Variants in KIF1B observed in about 807,000 individuals in gnomAD.
KIF1B encodes kinesin-like protein KIF1B.
In KIF1B, 76 loss-of-function variants were observed where a neutral mutation model predicts 241.9. The ratio of observed to expected loss-of-function variants is 0.31; its 90% CI spans 0.26 to 0.38. The LOEUF (loss-of-function observed/expected upper bound fraction) is 0.38. Ranked by LOEUF, KIF1B falls within the 10% of genes least tolerant of loss-of-function variation. The probability of loss-of-function intolerance (pLI) is 1.00; values close to 1 mark genes in which losing one functional copy is unlikely to be tolerated. For missense variants in KIF1B, 1,622 were observed against 2,271.4 expected, an observed-to-expected ratio of 0.71 and a Z score of 5.81; for synonymous variants, 750 against 796.7, an observed-to-expected ratio of 0.94 and a Z score of 0.99.
chr1:10,316,612 TA>T (rs1422284092), intron 22 of KIF1B, among the ~76,000 whole-genome samples: 8 of 151,398 alleles, frequency 5.3e-5, no homozygotes, highest in Admixed American at 4.6e-4. Flanking sequence ...GTGATCCTCC[TA>T]CCTCAGCCCC....
intron 3 of KIF1B, 146 bp downstream of exon 3, chr1:10,256,469 A>G: frequency 1.5e-6 from 1 of 688,228 alleles, no homozygotes; most frequent in Non-Finnish European, 2.6e-6. Context: ...ACAGTGATAT[A>G]GTATTTTCAT....
At chr1:10,347,709 C>A in intron 35 of KIF1B, 52 bp from the exon 36 acceptor site, 1 of 1,450,378 alleles carries the variant, frequency 6.9e-7, no homozygotes, top group Non-Finnish European at 9.7e-7. Flanking sequence ...AGGGGCTAAG[C>A]CTTGCAGATG....
At chr1:10,260,196 C>T (rs183124354) in intron 4 of KIF1B, among the ~76,000 whole-genome samples, 65 of 152,272 alleles carry the variant, frequency 4.3e-4, no homozygotes, top group Admixed American at 9.8e-4. Context: ...TAGCATGCTA[C>T]TGTACTGAAT....
At chr1:10,347,872 A>C in intron 36 of KIF1B, 45 bp downstream of exon 36, 1 of 1,429,194 alleles carries the variant, frequency 7.0e-7, no homozygotes, top group Non-Finnish European at 9.9e-7. Flanking sequence ...AACACTGAAA[A>C]GAATTTAGAA....
chr1:10,280,803 T>G (rs2102230223), intron 14 of KIF1B, among the ~76,000 whole-genome samples: 1 of 152,322 alleles, frequency 6.6e-6, no homozygotes, highest in African/African-American at 2.4e-5. Flanking sequence ...GCCTACCTCT[T>G]TTCTTAGCAG....
At chr1:10,352,340 T>C (rs1216863192) in intron 37 of KIF1B, among the ~76,000 whole-genome samples, 1 of 152,168 alleles carries the variant, frequency 6.6e-6, no homozygotes, top group Non-Finnish European at 1.5e-5. Context: ...AAATGGCTGT[T>C]GCAGGTTCCA....
chr1:10,360,423 G>A (rs577525739), intron 38 of KIF1B, among the ~76,000 whole-genome samples: 2 of 152,012 alleles, frequency 1.3e-5, no homozygotes, highest in African/African-American at 2.4e-5. Context: ...AGTGGTTCAC[G>A]CCTGTAATCC....
chr1:10,374,366 A>G lies in KIF1B; in HGVS notation c.4997A>G (p.Gln1666Arg), dbSNP rs1448847880. 2 of 1,614,054 alleles carry G rather than the reference A, an allele frequency of 1.2e-6. No individual in the cohort carries two copies. The highest frequency in any genetic ancestry group is 1.1e-5 in the South Asian group (1 of 91,088). ...RASSPCPEFEQFQIVPAVETP... is the reference protein window; with the variant it reads ...RASSPCPEFERFQIVPAVETP... ...TCTAGTCCCTGCCCAGAATTTGAACAGTTTCAGATTGTCCCAGCTGTGGAA... is the reference window on the plus strand; with the variant it reads ...TCTAGTCCCTGCCCAGAATTTGAACGGTTTCAGATTGTCCCAGCTGTGGAA... Residue 1666 changes from glutamine (Q) to arginine (R), a missense_variant, in exon 46 of 49, where the codon CAG becomes CGG. This residue lies in a region of KIF1B where 357 missense variants were observed against 409.0 expected (regional missense o/e 0.87). Transcript: ENST00000676179. The surrounding 1 kb of genome is among the most constrained non-coding windows in gnomAD (Gnocchi z 4.3).
At chr1:10,237,903 G>T (rs926816795) in intron 2 of KIF1B, among the ~76,000 whole-genome samples, 2 of 152,026 alleles carry the variant, frequency 1.3e-5, no homozygotes, top group Non-Finnish European at 2.9e-5. Context: ...TAGCTACTAG[G>T]GAGGCTGAGG....
intron 1 of KIF1B, among the ~76,000 whole-genome samples, chr1:10,229,177 A>G (rs1450791095): frequency 6.6e-6 from 1 of 152,236 alleles, no homozygotes; most frequent in African/African-American, 2.4e-5. Context: ...CTAAGTTTTC[A>G]TTTGATACAT....
chr1:10,355,281 T>G (rs751375147), intron 38 of KIF1B: 9 of 152,514 alleles, frequency 5.9e-5, no homozygotes. Flanking sequence ...AAATTTTGTC[T>G]TCTTTATATA....
intron 17 of KIF1B, 109 bp from the exon 18 acceptor site, chr1:10,294,977 C>A: frequency 1.3e-6 from 1 of 794,146 alleles, no homozygotes; most frequent in South Asian, 1.4e-5. Flanking sequence ...AAATCCCTCT[C>A]TAGGCTCTGT....
intron 2 of KIF1B, among the ~76,000 whole-genome samples, chr1:10,254,075 A>G (rs1473966176): frequency 6.6e-6 from 1 of 152,142 alleles, no homozygotes; most frequent in African/African-American, 2.4e-5. Context: ...CTTTGAGGAG[A>G]TTTCATGACC....
At chr1:10,257,475 A>G (rs1481643346) in intron 3 of KIF1B, among the ~76,000 whole-genome samples, 1 of 134,486 alleles carries the variant, frequency 7.4e-6, no homozygotes, top group Non-Finnish European at 1.6e-5. Context: ...ACTGTGTCTC[A>G]AAAAAAAAAA....
In KIF1B at chr1:10,378,586, G is replaced by T. The variant is rs886044998; in HGVS notation, c.*1999G>T. On this transcript the variant is annotated 3_prime_UTR_variant, in exon 49 of 49. Transcript: ENST00000676179. ...TTGGTGAGTCCTCGGCCTTGAGGTT[G>T]CTGACTCTCAGGCGTTAGGCAGCTG... is the stretch of plus-strand genomic sequence containing the variant. The T allele has an allele frequency of 2.6e-5, 16 of 609,260 alleles. No individual in the cohort carries two copies. The South Asian group carries it at 3.1e-4, about 12-fold the overall frequency. 37.7% of individuals were successfully genotyped at this position (609,260 alleles called of 1,614,324 possible). A position where few individuals can be genotyped will look rare whatever the true frequency, so the allele number is the denominator to read the frequency against.
chr1:10,343,496 G>A (rs559646513), intron 34 of KIF1B, among the ~76,000 whole-genome samples: 3 of 152,302 alleles, frequency 2.0e-5, no homozygotes, highest in Non-Finnish European at 2.9e-5. Flanking sequence ...GGTGGCTCAT[G>A]CCTGTAATCC....
Position 10,365,274 on chromosome 1 carries a change from A to G in KIF1B, c.4512+29A>G, listed in dbSNP as rs778631727. The G allele has an allele frequency of 1.2e-6, 2 of 1,613,712 alleles. No individual in the cohort carries two copies. Among genetic ancestry groups the G allele is most frequent in the Non-Finnish European group, 1.7e-6 (2 of 1,179,800 alleles). On this transcript the variant is annotated intron_variant, in intron 42 of 48. Coordinates refer to ENST00000676179, the MANE Select transcript of KIF1B (RefSeq NM_001365951.3). This position sits in a 1 kb window ranked among gnomAD's most constrained non-coding sequence, Gnocchi z 4.0. Reference sequence around the variant, plus strand: ...TCCAGGGGCAGGGTTGTTCAGATGCAAGAACTCTCGGACAAGATTGCCAAA... The same window carrying G: ...TCCAGGGGCAGGGTTGTTCAGATGCGAGAACTCTCGGACAAGATTGCCAAA...
At position 10,295,683 on chromosome 1, in the gene KIF1B, G is replaced by A. The variant is rs201531774; in HGVS notation, c.1694G>A (p.Arg565Gln). 6 of 1,613,712 alleles carry A rather than the reference G, an allele frequency of 3.7e-6. No homozygotes were observed. Among genetic ancestry groups the A allele is most frequent in the East Asian group, 2.2e-5 (1 of 44,876 alleles). The change falls in exon 19 of 49, where the codon CGG becomes CAG. Residue 565 changes from arginine (R) to glutamine (Q), a missense_variant. Physicochemically the swap from Arg to Gln is conservative, Grantham distance 43 (BLOSUM62 1). Around this residue, in one of 7 missense-constraint regions of KIF1B, gnomAD observed 57 missense variants for 149.0 expected, o/e 0.38. Coordinates refer to ENST00000676179, the MANE Select transcript of KIF1B (RefSeq NM_001365951.3). ...ITRVGQADAE[R>Q]RQDIVLSGAH... The stretch of plus-strand genomic sequence containing the variant: ...AGGGTTGGCCAAGCAGATGCTGAGC[G>A]GCGCCAGGACATAGTGCTGAGCGGG...
At chr1:10,370,802 T>C (rs1638711512) in intron 44 of KIF1B, among the ~76,000 whole-genome samples, 1 of 151,986 alleles carries the variant, frequency 6.6e-6, no homozygotes, top group Admixed American at 6.6e-5. Flanking sequence ...TTTTCTTTTT[T>C]GAAAATATTT....
Sources: gnomAD v4.1 joint callset for allele counts (sites outside exome capture counted in the v4.1 genomes callset) on GRCh38, gnomAD v4.1.1 for gene constraint, gnomAD v4.1.1 regional missense constraint, Gnocchi (gnomAD v3.1) non-coding constraint, MANE v1.5 for transcripts, NCBI Gene and HGNC (gene_info 2026-07-23, HGNC 2026-07-21) for gene names.